CMTR1: variants seen among roughly 807,000 people sequenced by gnomAD.
The protein encoded by CMTR1 is cap-specific mRNA (nucleoside-2'-O-)-methyltransferase 1.
A neutral mutation model predicts 107.0 loss-of-function variants in CMTR1; 39 were observed. The observed-to-expected ratio is 0.36, with a 90% CI of 0.28 to 0.48. CMTR1 has a LOEUF of 0.48. Among genes scored for constraint, CMTR1 ranks in the 20% least tolerant of loss-of-function variants. The pLI is 0.99. For missense variants in CMTR1, 672 were observed against 1,064.9 expected (o/e 0.63, Z 5.14); for synonymous variants, 366 against 379.5 (o/e 0.96, Z 0.41).
rs909799842 is a variant in CMTR1, at chr6:37,472,408, T to C, written c.1621-11T>C. 3 of 1,614,008 alleles carry C rather than the reference T, an allele frequency of 1.9e-6. No homozygotes were observed. Among genetic ancestry groups the C allele is most frequent in the African/African-American group, 2.7e-5 (2 of 74,942 alleles). ...ATTTGAAAGTCAAAGCTCTTTGCTGTCTTATTTCAGATCCCAGACCAGGCT... is the reference window on the plus strand; with the variant it reads ...ATTTGAAAGTCAAAGCTCTTTGCTGCCTTATTTCAGATCCCAGACCAGGCT... On this transcript the variant is annotated splice_polypyrimidine_tract_variant and intron_variant, in intron 15 of 23. Transcript: ENST00000373451. The surrounding 1 kb of genome is among the most constrained non-coding windows in gnomAD (Gnocchi z 4.1).
chr6:37,456,778 A>C (rs1761304380), intron 8 of CMTR1, among the ~76,000 whole-genome samples: 1 of 152,216 alleles, frequency 6.6e-6, no homozygotes, highest in African/African-American at 2.4e-5. Flanking sequence ...TCACCAGTGC[A>C]AATGGTTCAT....
intron 13 of CMTR1, among the ~76,000 whole-genome samples, chr6:37,468,018 T>C (rs1761541170): frequency 6.9e-6 from 1 of 145,218 alleles, no homozygotes; most frequent in South Asian, 2.5e-4. Context: ...TCCTGTCTGC[T>C]CTTTGTTCCT....
At chr6:37,450,742 T>TG (rs1165506448) in intron 5 of CMTR1, among the ~76,000 whole-genome samples, 1 of 152,216 alleles carries the variant, frequency 6.6e-6, no homozygotes, top group Non-Finnish European at 1.5e-5. Context: ...TGGAAAATTG[T>TG]GAGAATAAAG....
intron 11 of CMTR1, 138 bp from the exon 12 acceptor site, chr6:37,461,832 C>G: frequency 5.0e-6 from 5 of 1,007,944 alleles, no homozygotes; most frequent in Non-Finnish European, 7.4e-6. Flanking sequence ...AGATGGTTCT[C>G]CCCCTTAAAT....
chr6:37,444,203 A>G, intron 3 of CMTR1, 53 bp downstream of exon 3: 1 of 1,580,296 alleles, frequency 6.3e-7, no homozygotes, highest in Non-Finnish European at 8.6e-7. Flanking sequence ...GAGTGAAAGA[A>G]GGGCAATTTG....
the CMTR1 span, among the ~76,000 whole-genome samples, chr6:37,424,329 G>A: frequency 8.0e-5 from 12 of 150,914 alleles, no homozygotes; most frequent in Admixed American, 1.3e-4. Flanking sequence ...TGCAAGCTGC[G>A]CCTCCTGGGT....
At position 37,480,262 on chromosome 6, in the gene CMTR1, C is replaced by T. The variant is rs912573841; in HGVS notation, c.*117C>T. ...GAAAAGGGACTGGGGAGCATTGCAC[C>T]TGGCATGAGGAGTGGGTGGCCTCCT... On this transcript the variant is annotated 3_prime_UTR_variant, in exon 24 of 24. Transcript: ENST00000373451. 15 of 1,500,944 alleles carry T rather than the reference C, an allele frequency of 1.0e-5. No homozygotes were observed. The African/African-American group carries it at 2.2e-4, about 22-fold the overall frequency. 93.0% of individuals were successfully genotyped at this position (1,500,944 alleles called of 1,614,324 possible).
intron 6 of CMTR1, 82 bp downstream of exon 6, chr6:37,451,959 G>T (rs1014081724): frequency 8.7e-7 from 1 of 1,151,172 alleles, no homozygotes. Context: ...CCTTTGAGTG[G>T]GTTGTGGGAA....
chr6:37,458,511 C>A lies in CMTR1; in HGVS notation c.778-101C>A. ...GCTCTGGTGGGAGCTCTGGATTGTA[C>A]TTGCCGAAAGGCTTATTTTACTCTC... On this transcript the variant is annotated intron_variant, in intron 8 of 23. Transcript: ENST00000373451. The surrounding 1 kb of genome is among the most constrained non-coding windows in gnomAD (Gnocchi z 4.7). 8.8e-7 allele frequency: 1 copy of A among 1,140,944 alleles called. No homozygotes were observed. Among genetic ancestry groups the A allele is most frequent in the Non-Finnish European group, 1.2e-6 (1 of 801,250 alleles). 70.7% of individuals were successfully genotyped at this position (1,140,944 alleles called of 1,614,324 possible). A position where few individuals can be genotyped will look rare whatever the true frequency, so the allele number is the denominator to read the frequency against.
chr6:37,458,928 G>A lies in CMTR1; in HGVS notation c.976+118G>A. On this transcript the variant is annotated intron_variant, in intron 9 of 23. Transcript: ENST00000373451. The surrounding 1 kb of genome is among the most constrained non-coding windows in gnomAD (Gnocchi z 4.7). ...TTTCTTTCCTAGGTCTCTTACCCTG[G>A]GCTTCACAGTTCATGTCAGAATCTT... 2 of 903,864 alleles carry A rather than the reference G, an allele frequency of 2.2e-6. No homozygotes were observed. The highest frequency in any genetic ancestry group is 3.3e-6 in the Non-Finnish European group (2 of 598,180). The allele number at this position is 903,864 out of a possible 1,614,324, so 56.0% of individuals were successfully genotyped here.
At chr6:37,431,571 C>G (rs929740153), upstream of CMTR1, among the ~76,000 whole-genome samples, 1 of 152,210 alleles carries the variant, frequency 6.6e-6, no homozygotes, top group South Asian at 2.1e-4. Flanking sequence ...ACAGCTGAGT[C>G]GGGGAGGCAG....
In CMTR1 at chr6:37,455,114, C is replaced by T. The variant is rs566978964; in HGVS notation, c.777+1802C>T. On this transcript the variant is annotated intron_variant, in intron 8 of 23. Coordinates refer to ENST00000373451, the MANE Select transcript of CMTR1 (RefSeq NM_015050.3). ...TTTTTTTTTTTTCGAGACGGAGTTTCGCTGTTGTTGCCCAGGCTGGAGTGC... is the reference window on the plus strand; with the variant it reads ...TTTTTTTTTTTTCGAGACGGAGTTTTGCTGTTGTTGCCCAGGCTGGAGTGC... 2.7e-5 allele frequency among the ~76,000 whole-genome samples: 4 copies of T among 145,698 alleles called. 1 individual carries two copies. Among genetic ancestry groups the T allele is most frequent in the African/African-American group, 1.0e-4 (4 of 38,986 alleles).
At chr6:37,448,723 TCTTCTCCACACTTG>T (rs1051600876) in intron 4 of CMTR1, among the ~76,000 whole-genome samples, 3 of 152,232 alleles carry the variant, frequency 2.0e-5, no homozygotes, top group Non-Finnish European at 4.4e-5. Context: ...ATGGTGAATC[TCTTCTCCACACTTG>T]CTTGGGAGCC....
At position 37,435,663 on chromosome 6, in the gene CMTR1, C is replaced by T; in HGVS notation, c.34C>T (p.Pro12Ser). ...KRRTDPECTA[P>S]IKKQKKRVAE... ...GAGAACTGACCCAGAATGCACTGCC[C>T]CCATCAAGAAACAGAAAAAAAGAGT... The change falls in exon 2 of 24, where the codon CCC (proline) becomes TCC (serine). Residue 12 changes from proline to serine, a missense_variant. Pro to Ser is a moderately conservative substitution (Grantham distance 74, BLOSUM62 -1). Transcript: ENST00000373451. 2 of 1,600,180 alleles carry T rather than the reference C, an allele frequency of 1.2e-6. No individual in the cohort carries two copies. Among genetic ancestry groups the T allele is most frequent in the South Asian group, 1.1e-5 (1 of 88,394 alleles).
upstream of CMTR1, among the ~76,000 whole-genome samples, chr6:37,428,660 G>C (rs944031911): frequency 1.2e-4 from 18 of 152,092 alleles, no homozygotes; most frequent in African/African-American, 4.3e-4. Context: ...GTTTCACCAT[G>C]TTGGCCAGGC....
At chr6:37,473,886 A>T (rs1761677766) in intron 17 of CMTR1, among the ~76,000 whole-genome samples, 1 of 152,220 alleles carries the variant, frequency 6.6e-6, no homozygotes, top group South Asian at 2.1e-4. Context: ...CAGAGTGGTC[A>T]GCAGGCTTAT....
At chr6:37,437,375 A>C (rs976978267) in intron 2 of CMTR1, among the ~76,000 whole-genome samples, 1 of 151,908 alleles carries the variant, frequency 6.6e-6, no homozygotes, top group African/African-American at 2.4e-5. Context: ...AAAACAGAAA[A>C]AAGTAGCCGG....
At chr6:37,478,374 T>A in intron 21 of CMTR1, 35 bp from the exon 22 acceptor site, 1 of 1,529,518 alleles carries the variant, frequency 6.5e-7, no homozygotes, top group Non-Finnish European at 9.1e-7. Flanking sequence ...CAGGGCCTTT[T>A]CTCTCTCATG....
intron 19 of CMTR1, 131 bp downstream of exon 19, chr6:37,475,543 C>T: frequency 1.3e-6 from 1 of 747,732 alleles, no homozygotes. Context: ...TTTCCCCCTC[C>T]CACCCACTGA....
Sources: gnomAD v4.1 joint callset for allele counts (sites outside exome capture counted in the v4.1 genomes callset) on GRCh38, gnomAD v4.1.1 for gene constraint, Gnocchi (gnomAD v3.1) non-coding constraint, MANE v1.5 for transcripts, NCBI Gene and HGNC (gene_info 2026-07-23, HGNC 2026-07-21) for gene names.